PRKCE: variants seen among roughly 807,000 people sequenced by gnomAD.
The protein encoded by PRKCE is protein kinase C epsilon type.
In PRKCE, 16 loss-of-function variants were observed where a neutral mutation model predicts 85.4. That is an observed-to-expected ratio of 0.19 (90% confidence interval 0.13 to 0.28). The LOEUF (loss-of-function observed/expected upper bound fraction) is 0.28. PRKCE is among the 10% of genes least tolerant of loss of function. The pLI is 1.00. For synonymous variants in PRKCE, 388 were observed against 371.5 expected (o/e 1.04, Z -0.51); for missense variants, 573 against 975.2 (o/e 0.59, Z 5.49).
intron 1 of PRKCE, among the ~76,000 whole-genome samples, chr2:45,737,233 G>A (rs937610148): frequency 2.0e-5 from 3 of 152,174 alleles, no homozygotes; most frequent in Non-Finnish European, 4.4e-5. Flanking sequence ...GTGAGCGAGC[G>A]AGCAAGCATG....
Position 46,001,610 on chromosome 2 carries a change from C to T in PRKCE, c.966+64C>T. The stretch of plus-strand genomic sequence containing the variant: ...AGGCTAGCATTTCTGTGCTGACTTC[C>T]AGAGGGTGCTCTGGAGTGAGGTAAT... On this transcript the variant is annotated intron_variant, in intron 7 of 14. Transcript: ENST00000306156. The surrounding 1 kb of genome is among the most constrained non-coding windows in gnomAD (Gnocchi z 4.4). The T allele has an allele frequency of 2.6e-6, 4 of 1,540,954 alleles. No individual in the cohort carries two copies. The highest frequency in any genetic ancestry group is 1.8e-5 in the Admixed American group (1 of 54,498).
intron 1 of PRKCE, among the ~76,000 whole-genome samples, chr2:45,696,448 A>G (rs1572971058): frequency 6.6e-6 from 1 of 152,022 alleles, no homozygotes; most frequent in Non-Finnish European, 1.5e-5. Context: ...GTGGAAGTGC[A>G]CCCATCTCCT....
chr2:45,769,485 C>T (rs192562148), intron 1 of PRKCE, among the ~76,000 whole-genome samples: 117 of 152,262 alleles, frequency 7.7e-4, no homozygotes, highest in Non-Finnish European at 9.7e-4. Flanking sequence ...CATGCACAAT[C>T]GCTGGCGAGT....
intron 11 of PRKCE, among the ~76,000 whole-genome samples, chr2:46,129,191 T>C (rs1437626924): frequency 6.6e-6 from 1 of 152,116 alleles, no homozygotes; most frequent in Non-Finnish European, 1.5e-5. Context: ...TGAGGCGCAC[T>C]AGTAAAGGCT....
At chr2:45,926,863 C>A (rs939636625) in intron 2 of PRKCE, among the ~76,000 whole-genome samples, 2 of 152,074 alleles carry the variant, frequency 1.3e-5, no homozygotes, top group Admixed American at 1.3e-4. Context: ...TGTGAGTGTG[C>A]ACAAGACACA....
intron 1 of PRKCE, among the ~76,000 whole-genome samples, chr2:45,820,791 G>A (rs938421531): frequency 6.6e-6 from 1 of 152,078 alleles, no homozygotes; most frequent in Non-Finnish European, 1.5e-5. Context: ...CATTGTCCCT[G>A]CAAGAGTTTA....
intron 2 of PRKCE, among the ~76,000 whole-genome samples, chr2:45,874,064 G>C (rs1199885661): frequency 6.6e-6 from 1 of 152,250 alleles, no homozygotes; most frequent in African/African-American, 2.4e-5. Flanking sequence ...AGGGTTAGAT[G>C]ATATAGTGCT....
chr2:46,004,292 C>A lies in PRKCE; in HGVS notation c.967-250C>A, dbSNP rs762097074. On this transcript the variant is annotated intron_variant, in intron 7 of 14. Coordinates refer to ENST00000306156, the MANE Select transcript of PRKCE (RefSeq NM_005400.3). The surrounding 1 kb of genome is among the most constrained non-coding windows in gnomAD (Gnocchi z 4.1). ...GCTCTTTGGAATGAGGGGAAGACATCATCCTTCTGTGAATGTAGGGAAGGT... is the reference window on the plus strand; with the variant it reads ...GCTCTTTGGAATGAGGGGAAGACATAATCCTTCTGTGAATGTAGGGAAGGT... The A allele has an allele frequency of 1.1e-5, 5 of 436,458 alleles. No homozygotes were observed. Among genetic ancestry groups the A allele is most frequent in the African/African-American group, 2.0e-5 (1 of 49,752 alleles). The allele number at this position is 436,458 out of a possible 1,614,324, so 27.0% of individuals were successfully genotyped here. A position where few individuals can be genotyped will look rare whatever the true frequency, so the allele number is the denominator to read the frequency against.
At chr2:45,897,625 C>T (rs1696251379) in intron 2 of PRKCE, among the ~76,000 whole-genome samples, 1 of 152,058 alleles carries the variant, frequency 6.6e-6, no homozygotes, top group African/African-American at 2.4e-5. Context: ...AGATGGCACC[C>T]CATTTTTTAT....
intron 1 of PRKCE, among the ~76,000 whole-genome samples, chr2:45,788,146 G>A (rs1686759159): frequency 6.6e-6 from 1 of 152,150 alleles, no homozygotes; most frequent in South Asian, 2.1e-4. Context: ...TGAAGTCTGT[G>A]GCTACTTGGG....
chr2:46,070,621 C>T lies in PRKCE; in HGVS notation c.1438-15587C>T, dbSNP rs560960269. On this transcript the variant is annotated intron_variant, in intron 10 of 14. Coordinates refer to ENST00000306156, the MANE Select transcript of PRKCE (RefSeq NM_005400.3). ...TCATGCCACTGCACTCCAGCCTTAG[C>T]GACAGAGCAAGACTCCGTCTCAAAA... Among the ~76,000 whole-genome samples, 13 of 150,618 alleles carry T rather than the reference C, an allele frequency of 8.6e-5. No homozygotes were observed. The East Asian group carries it at 9.7e-4, about 11-fold the overall frequency.
chr2:45,799,815 G>T (rs367999153), intron 1 of PRKCE, among the ~76,000 whole-genome samples: 18 of 152,202 alleles, frequency 1.2e-4, no homozygotes, highest in African/African-American at 3.9e-4. Flanking sequence ...GTCAGAAGTA[G>T]TTACCAGAAT....
At chr2:45,806,797 G>A (rs1238111655) in intron 1 of PRKCE, among the ~76,000 whole-genome samples, 3 of 152,198 alleles carry the variant, frequency 2.0e-5, no homozygotes, top group Non-Finnish European at 4.4e-5. Context: ...AAATGAGTGT[G>A]CAGGGAGATA....
At chr2:45,701,857 T>C (rs1361007945) in intron 1 of PRKCE, among the ~76,000 whole-genome samples, 1 of 152,202 alleles carries the variant, frequency 6.6e-6, no homozygotes, top group Non-Finnish European at 1.5e-5. Flanking sequence ...TTTTTCCTTC[T>C]TCTCTTAGTA....
intron 1 of PRKCE, among the ~76,000 whole-genome samples, chr2:45,688,775 ATACACTT>A (rs1677496861): frequency 6.6e-6 from 1 of 152,242 alleles, no homozygotes; most frequent in African/African-American, 2.4e-5. Context: ...GGTTGCAAGG[ATACACTT>A]TCTAATTATT....
chr2:46,096,809 G>A (rs1232566629), intron 11 of PRKCE, among the ~76,000 whole-genome samples: 1 of 152,126 alleles, frequency 6.6e-6, no homozygotes, highest in Non-Finnish European at 1.5e-5. Context: ...GTGTAATGCT[G>A]GGCAAATGAC....
intron 1 of PRKCE, among the ~76,000 whole-genome samples, chr2:45,838,202 C>T (rs1236666350): frequency 2.0e-5 from 3 of 152,168 alleles, no homozygotes; most frequent in Admixed American, 2.0e-4. Context: ...AATGAGCCCA[C>T]TCTGGGGACG....
chr2:45,956,197 A>G (rs954870209), intron 2 of PRKCE, among the ~76,000 whole-genome samples: 9 of 152,092 alleles, frequency 5.9e-5, no homozygotes. Context: ...CTACACACCA[A>G]TTTGTTTGGT....
intron 1 of PRKCE, among the ~76,000 whole-genome samples, chr2:45,716,633 A>AAGG (rs1680122283): frequency 4.6e-5 from 5 of 109,498 alleles, no homozygotes; most frequent in African/African-American, 1.8e-4. Context: ...GGAGAAGGAG[A>AAGG]AGAAGAAGAA....
Sources: gnomAD v4.1 joint callset for allele counts (sites outside exome capture counted in the v4.1 genomes callset) on GRCh38, gnomAD v4.1.1 for gene constraint, Gnocchi (gnomAD v3.1) non-coding constraint, MANE v1.5 for transcripts, NCBI Gene and HGNC (gene_info 2026-07-23, HGNC 2026-07-21) for gene names.